Variants in PRKG1 observed in about 807,000 individuals in gnomAD.
PRKG1 encodes cGMP-dependent protein kinase 1.
A neutral mutation model predicts 88.1 loss-of-function variants in PRKG1; 35 were observed. The observed-to-expected ratio is 0.40, with a 90% CI of 0.30 to 0.53. The LOEUF is 0.53. Ranked by LOEUF, PRKG1 falls within the 20% of genes least tolerant of loss-of-function variation. The pLI, the probability that PRKG1 is intolerant of heterozygous loss-of-function variation, is 0.59. For synonymous variants in PRKG1, 303 were observed against 292.5 expected, an observed-to-expected ratio of 1.04 and a Z score of -0.37; for missense variants, 540 against 839.8, an observed-to-expected ratio of 0.64 and a Z score of 4.41.
At chr10:52,166,479 G>A (rs1336232193) in intron 9 of PRKG1, among the ~76,000 whole-genome samples, 3 of 140,506 alleles carry the variant, frequency 2.1e-5, no homozygotes, top group African/African-American at 7.8e-5. Flanking sequence ...TGTCGCCCAG[G>A]CTGGAGTGCA....
At chr10:51,535,953 C>T (rs767094544) in intron 3 of PRKG1, among the ~76,000 whole-genome samples, 8 of 152,028 alleles carry the variant, frequency 5.3e-5, no homozygotes, top group Non-Finnish European at 1.0e-4. Context: ...GACCTCCTGA[C>T]CTCAGGTGAT....
chr10:51,007,130 G>T (rs111638956), intron 1 of PRKG1, among the ~76,000 whole-genome samples: 2,850 of 151,762 alleles, frequency 0.019, 59 homozygotes, highest in African/African-American at 0.053. Flanking sequence ...GTAGAGATGT[G>T]GGGGGTGGGT....
At chr10:51,194,315 T>G (rs1454712268) in intron 2 of PRKG1, among the ~76,000 whole-genome samples, 3 of 151,952 alleles carry the variant, frequency 2.0e-5, no homozygotes, top group Non-Finnish European at 2.9e-5. Flanking sequence ...GGTATACATG[T>G]GCCATGGTGG....
At chr10:51,261,569 T>G (rs957659875) in intron 2 of PRKG1, among the ~76,000 whole-genome samples, 6 of 152,216 alleles carry the variant, frequency 3.9e-5, no homozygotes, top group Non-Finnish European at 5.9e-5. Context: ...TTGTCTAGGT[T>G]TATCCCATTT....
chr10:52,195,084 G>A (rs1839468414), intron 9 of PRKG1, among the ~76,000 whole-genome samples: 1 of 152,132 alleles, frequency 6.6e-6, no homozygotes, highest in Non-Finnish European at 1.5e-5. Context: ...TGATGAGAAA[G>A]AAATAGATCA....
intron 3 of PRKG1, among the ~76,000 whole-genome samples, chr10:51,474,511 G>A (rs1840139420): frequency 6.6e-6 from 1 of 151,842 alleles, no homozygotes; most frequent in South Asian, 2.1e-4. Flanking sequence ...GACATACAAT[G>A]GGCAATCAGA....
intron 9 of PRKG1, among the ~76,000 whole-genome samples, chr10:52,247,320 C>T (rs1482027886): frequency 6.6e-6 from 1 of 152,116 alleles, no homozygotes; most frequent in African/African-American, 2.4e-5. Flanking sequence ...CATTTGACAA[C>T]TGTCCTCCCC....
At chr10:51,791,814 A>T (rs796194454) in intron 3 of PRKG1, among the ~76,000 whole-genome samples, 7 of 152,196 alleles carry the variant, frequency 4.6e-5, no homozygotes, top group African/African-American at 1.7e-4. Flanking sequence ...GCCTTTAGGG[A>T]CTACTAAGAT....
At chr10:52,163,485 C>G (rs10824176) in intron 9 of PRKG1, among the ~76,000 whole-genome samples, 46,340 of 151,564 alleles carry the variant, frequency 0.31, 8,703 homozygotes, top group East Asian at 0.6. Context: ...AAATTCAAGA[C>G]TTTTGTAGAC....
At chr10:51,541,197 A>G (rs528753848) in intron 3 of PRKG1, among the ~76,000 whole-genome samples, 28 of 152,246 alleles carry the variant, frequency 1.8e-4, no homozygotes, top group Non-Finnish European at 3.5e-4. Flanking sequence ...CTCATAAGGA[A>G]CATGCTACCT....
chr10:51,205,394 C>T (rs1589242561), intron 2 of PRKG1, among the ~76,000 whole-genome samples: 1 of 151,296 alleles, frequency 6.6e-6, no homozygotes, highest in Non-Finnish European at 1.5e-5. Context: ...GCCTCGGCCT[C>T]CCACAGTGCT....
intron 3 of PRKG1, among the ~76,000 whole-genome samples, chr10:51,791,131 A>T (rs1838860560): frequency 6.6e-6 from 1 of 152,126 alleles, no homozygotes; most frequent in African/African-American, 2.4e-5. Context: ...TTCAAATTTC[A>T]TTTGAGATGG....
chr10:51,733,067 A>G (rs1837161865), intron 3 of PRKG1, among the ~76,000 whole-genome samples: 1 of 151,826 alleles, frequency 6.6e-6, no homozygotes, highest in Non-Finnish European at 1.5e-5. Context: ...AAAATAAACA[A>G]CAACAACAAA....
chr10:51,543,983 C>A (rs1175895154), intron 3 of PRKG1, among the ~76,000 whole-genome samples: 2 of 152,096 alleles, frequency 1.3e-5, no homozygotes, highest in Admixed American at 1.3e-4. Flanking sequence ...TGAATGGTGA[C>A]AATCTAGCCA....
intron 1 of PRKG1, among the ~76,000 whole-genome samples, chr10:51,050,032 C>G (rs886099926): frequency 5.9e-5 from 9 of 151,970 alleles, no homozygotes; most frequent in African/African-American, 2.2e-4. Context: ...AAATTGTCTG[C>G]CAATTGCTTC....
At chr10:52,168,399 A>G (rs1838554916) in intron 9 of PRKG1, among the ~76,000 whole-genome samples, 1 of 152,210 alleles carries the variant, frequency 6.6e-6, no homozygotes, top group African/African-American at 2.4e-5. Flanking sequence ...CAAAGTGGGA[A>G]GCAACATTAT....
At chr10:51,880,656 G>T (rs10823798) in intron 4 of PRKG1, among the ~76,000 whole-genome samples, 52,951 of 151,962 alleles carry the variant, frequency 0.35, 9,627 homozygotes, top group East Asian at 0.56. Flanking sequence ...CTAAAAAATT[G>T]TATCCACTCA....
chr10:51,692,631 A>G (rs1274958001), intron 3 of PRKG1, among the ~76,000 whole-genome samples: 1 of 152,150 alleles, frequency 6.6e-6, no homozygotes, highest in African/African-American at 2.4e-5. Flanking sequence ...GTACATCGCC[A>G]TACTCAGCTA....
Position 52,280,882 on chromosome 10 carries a change from C to T in PRKG1, c.1497C>T (p.Asp499=), listed in dbSNP as rs74484055. The change falls in exon 13 of 18, where the codon GAC becomes GAT. Residue 499 remains aspartate, a synonymous_variant. Transcript: ENST00000373980. Reference sequence around the variant, plus strand: ...ATTCCAAAGGAATCATTTACAGGGACCTCAAGCCAGAAAATCTCATCCTAG... The same window carrying T: ...ATTCCAAAGGAATCATTTACAGGGATCTCAAGCCAGAAAATCTCATCCTAG... ...YLHSKGIIYR[D]LKPENLILDH... is the part of the protein sequence containing the mutation. The T allele has an allele frequency of 1.2e-6, 2 of 1,613,408 alleles. No homozygotes were observed. Among genetic ancestry groups the T allele is most frequent in the Non-Finnish European group, 1.7e-6 (2 of 1,179,648 alleles).
Sources: allele counts gnomAD v4.1 joint callset (sites outside exome capture counted in the v4.1 genomes callset), GRCh38; gene constraint gnomAD v4.1.1; transcripts MANE v1.5; gene names NCBI Gene and HGNC (gene_info 2026-07-23, HGNC 2026-07-21).